The following ERGIC3 variants were observed in gnomAD, a reference collection of about 807,000 sequenced individuals.
The protein encoded by ERGIC3 is endoplasmic reticulum-Golgi intermediate compartment protein 3.
ERGIC3 carries 33 observed loss-of-function variants against 54.7 expected under a neutral mutation model. The observed-to-expected ratio is 0.60, with a 90% CI of 0.46 to 0.81. The LOEUF (loss-of-function observed/expected upper bound fraction) is 0.81, where lower values mean the gene tolerates loss of function less well. Among genes scored for constraint, ERGIC3 ranks in the 30% least tolerant of loss-of-function variants. The pLI, the probability that ERGIC3 is intolerant of heterozygous loss-of-function variation, is 0.00. For missense variants in ERGIC3, 399 were observed against 488.4 expected, an observed-to-expected ratio of 0.82 and a Z score of 1.73; for synonymous variants, 186 against 189.8, an observed-to-expected ratio of 0.98 and a Z score of 0.16.
At chr20:35,547,187 A>G (rs2064653152) in intron 4 of ERGIC3, 1 of 503,054 alleles carries the variant, frequency 2.0e-6, no homozygotes, top group Non-Finnish European at 3.6e-6. Context: ...ATCTGTACAC[A>G]GCTAATGTTC....
At chr20:35,548,042 A>T (rs2064659240) in intron 5 of ERGIC3, among the ~76,000 whole-genome samples, 1 of 152,104 alleles carries the variant, frequency 6.6e-6, no homozygotes, top group South Asian at 2.1e-4. Flanking sequence ...TTGTGGGAAA[A>T]TATGTGACAT....
At position 35,548,966 on chromosome 20, in the gene ERGIC3, C is replaced by T; in HGVS notation, c.685+101C>T. On this transcript the variant is annotated intron_variant, in intron 7 of 12. Transcript: ENST00000348547. ...CTGCTGCTCATTTGTCTTGGGCAAC[C>T]ATTTGGCCAGAGCAGGCCTTCATCT... The T allele has an allele frequency of 5.6e-6, 8 of 1,436,030 alleles. No individual in the cohort carries two copies. The South Asian group carries it at 8.1e-5, about 15-fold the overall frequency. 89.0% of individuals were successfully genotyped at this position (1,436,030 alleles called of 1,614,324 possible).
chr20:35,557,400 G>C, intron 12 of ERGIC3, 25 bp from the exon 13 acceptor site: 1 of 1,613,262 alleles, frequency 6.2e-7, no homozygotes, highest in Non-Finnish European at 8.5e-7. Flanking sequence ...CACTGGGCCA[G>C]TGCCAGCCCT....
At chr20:35,542,774 C>T (rs2064622912) in intron 3 of ERGIC3, 48 bp from the exon 4 acceptor site, 6 of 1,613,778 alleles carry the variant, frequency 3.7e-6, no homozygotes, top group African/African-American at 1.3e-5. Context: ...ACCCACATCC[C>T]CTTGTCCCTA....
At chr20:35,554,671 T>A (rs2064701526) in intron 7 of ERGIC3, among the ~76,000 whole-genome samples, 1 of 152,152 alleles carries the variant, frequency 6.6e-6, no homozygotes, top group Non-Finnish European at 1.5e-5. Flanking sequence ...GTGGATGGCA[T>A]TCTCAGATCC....
At chr20:35,553,915 A>G (rs550037768) in intron 7 of ERGIC3, among the ~76,000 whole-genome samples, 2 of 152,330 alleles carry the variant, frequency 1.3e-5, no homozygotes, top group African/African-American at 4.8e-5. Flanking sequence ...ATGCAAAGGT[A>G]CAGTTGCCCA....
chr20:35,556,461 A>T (rs2064713203), intron 10 of ERGIC3, 190 bp downstream of exon 10: 2 of 626,340 alleles, frequency 3.2e-6, no homozygotes, highest in Admixed American at 2.9e-5. Context: ...TTAGATTTAA[A>T]GCGCCTGCTC....
At chr20:35,544,758 C>G (rs1490170851) in intron 4 of ERGIC3, 1 of 148,618 alleles carries the variant, frequency 6.7e-6, no homozygotes, top group East Asian at 2.0e-4. Flanking sequence ...GGCTGCTGCT[C>G]TCCAATGGCA....
chr20:35,555,295 C>T (rs143123394), intron 8 of ERGIC3, among the ~76,000 whole-genome samples: 2 of 152,246 alleles, frequency 1.3e-5, no homozygotes, highest in East Asian at 1.9e-4. Context: ...GCATCCTAGA[C>T]AGACAGAGCC....
rs114360068 is a variant in ERGIC3, at chr20:35,543,150, A to T, written c.367+209A>T. 3.9e-5 allele frequency: 22 copies of T among 562,012 alleles called. No homozygotes were observed. The East Asian group carries it at 4.0e-4, about 10-fold the overall frequency. The allele number at this position is 562,012 out of a possible 1,614,324, so 34.8% of individuals were successfully genotyped here. On this transcript the variant is annotated intron_variant, in intron 4 of 12. Coordinates refer to ENST00000348547, the MANE Select transcript of ERGIC3 (RefSeq NM_015966.3). ...ATCGAGTCAGGTAATCTACCTGGCT[A>T]TTATTCTCAGAGGTCCTCAATACCT...
chr20:35,552,204 C>A (rs905208178), intron 7 of ERGIC3, among the ~76,000 whole-genome samples: 1 of 152,150 alleles, frequency 6.6e-6, no homozygotes, highest in African/African-American at 2.4e-5. Flanking sequence ...AGAGTCTCTT[C>A]TGAGTCTTCC....
At chr20:35,549,354 A>G (rs1179917160) in intron 7 of ERGIC3, 2 of 398,950 alleles carry the variant, frequency 5.0e-6, no homozygotes, top group African/African-American at 4.2e-5. Context: ...TTCTTCTGTA[A>G]AATGGGGATG....
rs2064666493 is a variant in ERGIC3 at position 35,548,880 on chromosome 20, C to G, written c.685+15C>G. The stretch of plus-strand genomic sequence containing the variant: ...CCATGTGCACGGTGAGTGATCTGCA[C>G]TAGCTGGGGAGATTTAGATGCTGGC... On this transcript the variant is annotated intron_variant, in intron 7 of 12. Coordinates refer to ENST00000348547, the MANE Select transcript of ERGIC3 (RefSeq NM_015966.3). 5 of 1,614,056 alleles carry G rather than the reference C, an allele frequency of 3.1e-6. No individual in the cohort carries two copies. The highest frequency in any genetic ancestry group is 3.4e-6 in the Non-Finnish European group (4 of 1,179,936).
In ERGIC3 at chr20:35,557,178, C is replaced by G; in HGVS notation, c.1017-16C>G. 9.3e-6 allele frequency: 15 copies of G among 1,614,196 alleles called. No individual in the cohort carries two copies. Among genetic ancestry groups the G allele is most frequent in the Non-Finnish European group, 1.1e-5 (13 of 1,180,020 alleles). On this transcript the variant is annotated splice_polypyrimidine_tract_variant and intron_variant, in intron 11 of 12. Transcript: ENST00000348547. The stretch of plus-strand genomic sequence containing the variant: ...GGAGGAGGATGCCTGCTGAGCCCAC[C>G]CTCTCCTTCTACCAGGTCCTTCACC...
intron 7 of ERGIC3, among the ~76,000 whole-genome samples, chr20:35,551,384 G>A (rs2064681003): frequency 6.6e-6 from 1 of 152,016 alleles, no homozygotes; most frequent in African/African-American, 2.4e-5. Context: ...GGATCGTACA[G>A]CTGGTATTCG....
rs1424628366 is a variant in ERGIC3, at chr20:35,556,015, G to A, written c.718-18G>A. The A allele has an allele frequency of 6.2e-7, 1 of 1,612,328 alleles. No individual in the cohort carries two copies. The highest frequency in any genetic ancestry group is 1.1e-5 in the South Asian group (1 of 91,006). Reference sequence around the variant, plus strand: ...GTCATCAGAGCTTTGGATGAGCTCTGGATGGTGTTGTTTACAGATCAACAT... The same window carrying A: ...GTCATCAGAGCTTTGGATGAGCTCTAGATGGTGTTGTTTACAGATCAACAT... On this transcript the variant is annotated intron_variant, in intron 8 of 12. Transcript: ENST00000348547.
chr20:35,543,715 A>G (rs2147302299), intron 4 of ERGIC3: 3 of 470,932 alleles, frequency 6.4e-6, no homozygotes, highest in South Asian at 4.6e-5. Context: ...CTGGATGTGG[A>G]GTGGAGGAGA....
In ERGIC3 at chr20:35,557,063, C is replaced by G; in HGVS notation, c.970C>G (p.Leu324Val). ...GDQGLPGVFVLYELSPMMVKL... is the reference protein window; with the variant it reads ...GDQGLPGVFVVYELSPMMVKL... Reference sequence around the variant, plus strand: ...CCAAGGCCTTCCCGGAGTCTTCGTCCTCTATGAGCTCTCGCCCATGATGGT... The same window carrying G: ...CCAAGGCCTTCCCGGAGTCTTCGTCGTCTATGAGCTCTCGCCCATGATGGT... The change falls in exon 11 of 13, where the codon CTC becomes GTC. Residue 324 changes from leucine (L) to valine (V), a missense_variant. Leu to Val is a conservative substitution (Grantham distance 32). Coordinates refer to ENST00000348547, the MANE Select transcript of ERGIC3 (RefSeq NM_015966.3). The G allele has an allele frequency of 1.2e-6, 2 of 1,614,236 alleles. No homozygotes were observed. The highest frequency in any genetic ancestry group is 1.7e-6 in the Non-Finnish European group (2 of 1,180,034).
In ERGIC3 at chr20:35,547,404, C is replaced by A. The variant is rs769108807; in HGVS notation, c.368-8C>A. The A allele has an allele frequency of 6.2e-7, 1 of 1,613,490 alleles. No individual in the cohort carries two copies. The highest frequency in any genetic ancestry group is 8.5e-7 in the Non-Finnish European group (1 of 1,179,490). On this transcript the variant is annotated splice_region_variant and splice_polypyrimidine_tract_variant and intron_variant, in intron 4 of 12. Coordinates refer to ENST00000348547, the MANE Select transcript of ERGIC3 (RefSeq NM_015966.3). ...CAGCTGATGCCTCTGCTTCTCCCCT[C>A]CCCTTAGAGCTTGGGAAAGTCGAGG...
Sources: gnomAD v4.1 joint callset for allele counts (sites outside exome capture counted in the v4.1 genomes callset) on GRCh38, gnomAD v4.1.1 for gene constraint, MANE v1.5 for transcripts, NCBI Gene and HGNC (gene_info 2026-07-23, HGNC 2026-07-21) for gene names.